The following DISP1 variants were observed in gnomAD, a reference collection of about 807,000 sequenced individuals.
The protein encoded by DISP1 is dispatched RND transporter family member 1, also known as protein dispatched homolog 1.
A neutral mutation model predicts 37.3 loss-of-function variants in DISP1; 30 were observed. The observed-to-expected ratio is 0.80, with a 90% CI of 0.60 to 1.09. DISP1 has a LOEUF of 1.09. DISP1 is among the 50% of genes least tolerant of loss of function. DISP1 has a pLI of 0.00. For synonymous variants in DISP1, 634 were observed against 690.2 expected (o/e 0.92, Z 1.28); for missense variants, 1,598 against 1,879.5 (o/e 0.85, Z 2.77).
Position 223,003,648 on chromosome 1 carries a change from G to A in DISP1, c.2251G>A (p.Glu751Lys), listed in dbSNP as rs767613451. The change falls in exon 9 of 9, where the codon GAG (glutamate) becomes AAG (lysine). Residue 751 changes from glutamate to lysine, a missense_variant. Coordinates refer to ENST00000675850, the MANE Select transcript of DISP1 (RefSeq NM_001377229.1). The surrounding 1 kb of genome is among the most constrained non-coding windows in gnomAD (Gnocchi z 4.3). ...KMKLPSLELS[E>K]FQVFRSSHPF... ...GAAACTGCCCTCACTGGAGTTATCC[G>A]AGTTCCAGGTGTTCCGGTCGTCCCA... The A allele has an allele frequency of 2.2e-5, 36 of 1,614,024 alleles. No individual in the cohort carries two copies. In the Middle Eastern group the frequency reaches 4.9e-4, roughly 22 times the overall value.
chr1:222,951,382 A>C (rs1675207073), intron 3 of DISP1, among the ~76,000 whole-genome samples: 1 of 151,864 alleles, frequency 6.6e-6, no homozygotes, highest in African/African-American at 2.4e-5. Flanking sequence ...AAAAAAAGTA[A>C]GAAATGAGAA....
intron 3 of DISP1, among the ~76,000 whole-genome samples, chr1:222,974,421 A>T (rs909263736): frequency 7.9e-5 from 12 of 152,208 alleles, no homozygotes; most frequent in African/African-American, 2.7e-4. Flanking sequence ...TATTTTTTTC[A>T]TGCTCAAAAT....
chr1:222,935,928 C>G (rs1673695751), intron 2 of DISP1, among the ~76,000 whole-genome samples: 1 of 152,104 alleles, frequency 6.6e-6, no homozygotes, highest in Non-Finnish European at 1.5e-5. Flanking sequence ...CAGTCATGTG[C>G]CACATAAAGA....
intron 1 of DISP1, among the ~76,000 whole-genome samples, chr1:222,834,224 G>A (rs1309796363): frequency 4.6e-5 from 7 of 151,340 alleles, no homozygotes; most frequent in African/African-American, 1.5e-4. Flanking sequence ...TTCTTTCTTC[G>A]TCTTCAAAAG....
At chr1:222,838,087 A>G (rs554446507) in intron 1 of DISP1, among the ~76,000 whole-genome samples, 1 of 152,244 alleles carries the variant, frequency 6.6e-6, no homozygotes, top group African/African-American at 2.4e-5. Context: ...ATATATGTCG[A>G]CTTACTAATA....
intron 3 of DISP1, among the ~76,000 whole-genome samples, chr1:222,951,142 G>C (rs544741087): frequency 7.3e-4 from 111 of 152,226 alleles, no homozygotes; most frequent in Non-Finnish European, 1.2e-3. Context: ...AAGAATGCTT[G>C]GCGTAGAGGG....
At position 222,852,241 on chromosome 1, in the gene DISP1, G is replaced by T. The variant is rs983173106; in HGVS notation, c.-159+37163G>T. Among the ~76,000 whole-genome samples the T allele has an allele frequency of 2.5e-4, 37 of 148,466 alleles. 1 individual carries two copies. Among genetic ancestry groups the T allele is most frequent in the South Asian group, 1.9e-3 (9 of 4,728 alleles). On this transcript the variant is annotated intron_variant, in intron 1 of 8. Transcript: ENST00000675850. ...AAATTCCAAATTGACAGCATTTGGG[G>T]TTTTTTTTTTTAAAGCCTTCCATAA... is the stretch of plus-strand genomic sequence containing the variant.
intron 8 of DISP1, among the ~76,000 whole-genome samples, chr1:222,996,989 T>C (rs1026160475): frequency 2.0e-5 from 3 of 151,520 alleles, no homozygotes; most frequent in African/African-American, 7.3e-5. Context: ...CATGGTGGCT[T>C]TCATAAATAA....
At chr1:222,859,595 G>A (rs886184220) in intron 1 of DISP1, among the ~76,000 whole-genome samples, 1 of 152,140 alleles carries the variant, frequency 6.6e-6, no homozygotes, top group Non-Finnish European at 1.5e-5. Context: ...ATAAATAAAG[G>A]CTCTTGGATA....
At chr1:222,963,976 CT>C (rs1219844158) in intron 3 of DISP1, among the ~76,000 whole-genome samples, 1 of 152,014 alleles carries the variant, frequency 6.6e-6, no homozygotes, top group Non-Finnish European at 1.5e-5. Context: ...GGGATTGTCT[CT>C]TTCAGGTCCT....
chr1:222,841,418 G>C (rs925552001), intron 1 of DISP1, among the ~76,000 whole-genome samples: 2 of 152,156 alleles, frequency 1.3e-5, no homozygotes. Flanking sequence ...AGAGGAAACT[G>C]AGGCACAGAG....
At chr1:222,913,939 T>TA (rs34772615) in intron 1 of DISP1, among the ~76,000 whole-genome samples, 15,917 of 142,988 alleles carry the variant, frequency 0.11, 1,181 homozygotes, top group Non-Finnish European at 0.16. Context: ...ACATTCTAAA[T>TA]AAAAAAAAAA....
At chr1:222,985,228 T>C (rs534352248) in intron 4 of DISP1, among the ~76,000 whole-genome samples, 233 of 152,376 alleles carry the variant, frequency 1.5e-3, no homozygotes, top group African/African-American at 5.4e-3. Flanking sequence ...CTAATTTCTT[T>C]TACGTACATG....
intron 1 of DISP1, among the ~76,000 whole-genome samples, chr1:222,899,102 A>G (rs1029959525): frequency 4.6e-5 from 7 of 152,188 alleles, no homozygotes; most frequent in African/African-American, 1.7e-4. Context: ...AGAATATTTT[A>G]TATGAATATA....
intron 1 of DISP1, among the ~76,000 whole-genome samples, chr1:222,895,948 G>A (rs1045063559): frequency 6.6e-6 from 1 of 152,128 alleles, no homozygotes; most frequent in African/African-American, 2.4e-5. Context: ...ATTTTTTAAA[G>A]TGTTGATAAA....
At chr1:222,859,197 T>C (rs1035760358) in intron 1 of DISP1, among the ~76,000 whole-genome samples, 3 of 152,158 alleles carry the variant, frequency 2.0e-5, no homozygotes, top group Non-Finnish European at 4.4e-5. Context: ...TGGATGGAGC[T>C]GGAAGCCATT....
At chr1:222,864,991 T>G (rs765871684) in intron 1 of DISP1, among the ~76,000 whole-genome samples, 17 of 150,278 alleles carry the variant, frequency 1.1e-4, no homozygotes, top group Non-Finnish European at 1.9e-4. Context: ...AGGACAGCCA[T>G]TAATGATGCT....
rs752790327 is a variant in DISP1 at position 223,003,505 on chromosome 1, G to A, written c.2108G>A (p.Arg703Gln). 2.3e-5 allele frequency: 37 copies of A among 1,614,022 alleles called. No homozygotes were observed. The East Asian group carries it at 4.9e-4, about 21-fold the overall frequency. Residue 703 changes from arginine to glutamine, a missense_variant, in exon 9 of 9, where the codon CGA becomes CAA. Arg to Gln is a conservative substitution (Grantham distance 43). Transcript: ENST00000675850. The surrounding 1 kb of genome is among the most constrained non-coding windows in gnomAD (Gnocchi z 4.3). Reference protein sequence around the residue: ...KVLFAISEASRIFFEKVLPCI... With the variant: ...KVLFAISEASQIFFEKVLPCI... ...CTCTTTGCCATTTCAGAAGCATCTC[G>A]AATTTTTTTCGAAAAAGTATTGCCA... is the stretch of plus-strand genomic sequence containing the variant.
chr1:222,950,106 A>T (rs1242916930), intron 3 of DISP1, among the ~76,000 whole-genome samples: 2 of 152,192 alleles, frequency 1.3e-5, no homozygotes, highest in Non-Finnish European at 2.9e-5. Context: ...CTAAGAGTTG[A>T]GAGGTGGGAA....
Sources: allele counts gnomAD v4.1 joint callset (sites outside exome capture counted in the v4.1 genomes callset), GRCh38; gene constraint gnomAD v4.1.1; non-coding constraint Gnocchi (gnomAD v3.1); transcripts MANE v1.5; gene names NCBI Gene and HGNC (gene_info 2026-07-23, HGNC 2026-07-21).